Variants in AGAP1 observed in about 807,000 individuals in gnomAD.
AGAP1 encodes ArfGAP with GTPase domain, ankyrin repeat and PH domain 1.
In AGAP1, 29 loss-of-function variants were observed where a neutral mutation model predicts 105.3. The ratio of observed to expected loss-of-function variants is 0.28; its 90% CI spans 0.21 to 0.38. AGAP1 has a LOEUF of 0.38. Among genes scored for constraint, AGAP1 ranks in the 10% least tolerant of loss-of-function variants. AGAP1 has a pLI of 1.00. For missense variants in AGAP1, 998 were observed against 1,165.1 expected, an observed-to-expected ratio of 0.86 and a Z score of 2.09; for synonymous variants, 509 against 485.9, an observed-to-expected ratio of 1.05 and a Z score of -0.63.
rs551085858 is a variant in AGAP1, at chr2:235,749,500, C to T, written c.539-854C>T. Among the ~76,000 whole-genome samples the T allele has an allele frequency of 2.0e-3, 310 of 152,138 alleles. 2 individuals carry two copies. The South Asian group carries it at 0.031, about 15-fold the overall frequency. ...TGGGGGGATCCAGGTCACCTGTGAC[C>T]CTGAGGGGGTCCATCAAAACCTCAG... On this transcript the variant is annotated intron_variant, in intron 5 of 17. Coordinates refer to ENST00000304032, the MANE Select transcript of AGAP1 (RefSeq NM_001037131.3).
At chr2:235,838,764 C>T (rs937845695) in intron 9 of AGAP1, among the ~76,000 whole-genome samples, 1 of 152,198 alleles carries the variant, frequency 6.6e-6, no homozygotes, top group Non-Finnish European at 1.5e-5. Flanking sequence ...CCATGTGTTA[C>T]ATCCATCCCC....
chr2:235,576,504 G>A (rs992552692), intron 1 of AGAP1, among the ~76,000 whole-genome samples: 1 of 152,210 alleles, frequency 6.6e-6, no homozygotes, highest in Admixed American at 6.5e-5. Flanking sequence ...TGTGCTGGAA[G>A]CATTGCCTGA....
intron 2 of AGAP1, among the ~76,000 whole-genome samples, chr2:235,715,691 T>C (rs901964698): frequency 6.6e-6 from 1 of 152,190 alleles, no homozygotes; most frequent in African/African-American, 2.4e-5. Flanking sequence ...TAGGAACCTC[T>C]CTGGTGTTCT....
chr2:235,634,290 G>A (rs1946921957), intron 1 of AGAP1, among the ~76,000 whole-genome samples: 1 of 152,234 alleles, frequency 6.6e-6, no homozygotes, highest in African/African-American at 2.4e-5. Context: ...CTGTGTACCT[G>A]TGTATTTCAT....
chr2:235,620,399 T>A lies in AGAP1; in HGVS notation c.164-88780T>A, dbSNP rs1473541192. On this transcript the variant is annotated intron_variant, in intron 1 of 17. Coordinates refer to ENST00000304032, the MANE Select transcript of AGAP1 (RefSeq NM_001037131.3). This position sits in a 1 kb window ranked among gnomAD's most constrained non-coding sequence, Gnocchi z 4.5. ...GAGTGTGATGCCCTCTGCCAAAACCTCCTCCTGGCCCTCGCCTTCTGCCAC... is the reference window on the plus strand; with the variant it reads ...GAGTGTGATGCCCTCTGCCAAAACCACCTCCTGGCCCTCGCCTTCTGCCAC... Among the ~76,000 whole-genome samples the A allele has an allele frequency of 6.6e-6, 1 of 152,098 alleles. No individual in the cohort carries two copies. Among genetic ancestry groups the A allele is most frequent in the Non-Finnish European group, 1.5e-5 (1 of 68,012 alleles).
rs1474814195 is a variant in AGAP1, at chr2:235,639,358, C to T, written c.164-69821C>T. Among the ~76,000 whole-genome samples, 1 of 152,244 alleles carries T rather than the reference C, an allele frequency of 6.6e-6. No individual in the cohort carries two copies. Among genetic ancestry groups the T allele is most frequent in the East Asian group, 1.9e-4 (1 of 5,154 alleles). On this transcript the variant is annotated intron_variant, in intron 1 of 17. Coordinates refer to ENST00000304032, the MANE Select transcript of AGAP1 (RefSeq NM_001037131.3). This position sits in a 1 kb window ranked among gnomAD's most constrained non-coding sequence, Gnocchi z 5.3. ...CCCTGGAGGTGGGTGGGTGAGCTCA[C>T]CCAGGACCACGGTGTGGCCTGAGAA...
intron 1 of AGAP1, among the ~76,000 whole-genome samples, chr2:235,597,414 G>A (rs1945562121): frequency 6.6e-6 from 1 of 152,164 alleles, no homozygotes; most frequent in African/African-American, 2.4e-5. Context: ...ACACACCTTG[G>A]CCACCCAGCA....
At chr2:235,670,762 C>A in intron 1 of AGAP1, 1 of 1,087,688 alleles carries the variant, frequency 9.2e-7, no homozygotes, top group Non-Finnish European at 1.3e-6. Context: ...GCAAGAACGA[C>A]GCGCTCTCGG....
At chr2:235,935,789 C>T (rs972073906) in intron 12 of AGAP1, among the ~76,000 whole-genome samples, 3 of 152,164 alleles carry the variant, frequency 2.0e-5, no homozygotes, top group African/African-American at 7.2e-5. Context: ...AGGTAATTTC[C>T]TCTAGAAGCG....
intron 1 of AGAP1, among the ~76,000 whole-genome samples, chr2:235,532,457 C>T (rs191419664): frequency 8.3e-4 from 126 of 152,294 alleles, no homozygotes; most frequent in African/African-American, 2.9e-3. Context: ...CCTCCTGCCT[C>T]GGGCTCCCAG....
intron 9 of AGAP1, among the ~76,000 whole-genome samples, chr2:235,837,292 G>GT (rs201159113): frequency 0.022 from 3,268 of 151,606 alleles, 110 homozygotes; most frequent in African/African-American, 0.069. Context: ...GCCTTCAAGG[G>GT]TTTTTTTTTG....
rs1305144515 is a variant in AGAP1, at chr2:235,753,047, G to T, written c.673+2559G>T. Among the ~76,000 whole-genome samples, 1 of 152,114 alleles carries T rather than the reference G, an allele frequency of 6.6e-6. No homozygotes were observed. The highest frequency in any genetic ancestry group is 1.5e-5 in the Non-Finnish European group (1 of 68,036). ...ATAAAGGCACTTAACCCATCACAGG[G>T]TTCCACCCTTGTGATCAGTCACCTG... On this transcript the variant is annotated intron_variant, in intron 6 of 17. Transcript: ENST00000304032. The surrounding 1 kb of genome is among the most constrained non-coding windows in gnomAD (Gnocchi z 4.5).
In AGAP1 at chr2:235,875,865, T is replaced by G. The variant is rs577670603; in HGVS notation, c.1051-7480T>G. On this transcript the variant is annotated intron_variant, in intron 9 of 17. Transcript: ENST00000304032. The surrounding 1 kb of genome is among the most constrained non-coding windows in gnomAD (Gnocchi z 4.0). ...AATTGCACTAGGGACTTCTAAATTT[T>G]TATTCAATGGGTAAATGTCTTTTTA... Among the ~76,000 whole-genome samples, 11 of 152,362 alleles carry G rather than the reference T, an allele frequency of 7.2e-5. No homozygotes were observed. Among genetic ancestry groups the G allele is most frequent in the African/African-American group, 2.2e-4 (9 of 41,580 alleles).
rs1941277177 is a variant in AGAP1, at chr2:235,495,512, A to G, written c.163+663A>G. Among the ~76,000 whole-genome samples the G allele has an allele frequency of 1.3e-5, 2 of 152,176 alleles. 1 individual carries two copies. Among genetic ancestry groups the G allele is most frequent in the African/African-American group, 4.8e-5 (2 of 41,436 alleles). ...AGGAGGGCAGGGCGTCCTCCAGCGG[A>G]AGGGTCTCGCTTTCATATGTCTGCA... On this transcript the variant is annotated intron_variant, in intron 1 of 17. Transcript: ENST00000304032.
Position 236,123,879 on chromosome 2 carries a change from A to T in AGAP1, c.2371-40A>T, listed in dbSNP as rs11893568. ...CTTCCCTGCCCCCTCCCTCCATCAC[A>T]TCCCCCATGATACTAATGTGGGCTC... On this transcript the variant is annotated intron_variant, in intron 17 of 17. Coordinates refer to ENST00000304032, the MANE Select transcript of AGAP1 (RefSeq NM_001037131.3). This position sits in a 1 kb window ranked among gnomAD's most constrained non-coding sequence, Gnocchi z 4.6. The T allele has an allele frequency of 6.2e-7, 1 of 1,608,468 alleles. No homozygotes were observed. The highest frequency in any genetic ancestry group is 8.5e-7 in the Non-Finnish European group (1 of 1,177,694).
intron 9 of AGAP1, among the ~76,000 whole-genome samples, chr2:235,831,715 A>T (rs1023340623): frequency 6.6e-6 from 1 of 152,214 alleles, no homozygotes; most frequent in African/African-American, 2.4e-5. Context: ...CACCTATTGA[A>T]AGACATCTTG....
Position 236,014,201 on chromosome 2 carries a change from G to C in AGAP1, c.1646-22360G>C, listed in dbSNP as rs1172454225. Among the ~76,000 whole-genome samples the C allele has an allele frequency of 4.7e-4, 71 of 152,226 alleles. No individual in the cohort carries two copies. Among genetic ancestry groups the C allele is most frequent in the Admixed American group, 4.6e-3 (70 of 15,284 alleles). On this transcript the variant is annotated intron_variant, in intron 13 of 17. Transcript: ENST00000304032. This position sits in a 1 kb window ranked among gnomAD's most constrained non-coding sequence, Gnocchi z 6.3. ...CCATTTAGAGCCGTAACTCCCCCGA[G>C]TGTCAAAGAGAATAGACTCCTCCCT...
intron 9 of AGAP1, among the ~76,000 whole-genome samples, chr2:235,841,496 G>C (rs116542676): frequency 0.058 from 8,821 of 152,116 alleles, 822 homozygotes; most frequent in African/African-American, 0.2. Context: ...AGGCATGGTG[G>C]TGTGCACCTG....
chr2:235,933,990 C>T (rs2052861109), intron 12 of AGAP1, among the ~76,000 whole-genome samples: 1 of 152,172 alleles, frequency 6.6e-6, no homozygotes, highest in Non-Finnish European at 1.5e-5. Context: ...CAGGGGCTGC[C>T]TTTGGTACAG....
Sources: gnomAD v4.1 joint callset for allele counts (sites outside exome capture counted in the v4.1 genomes callset) on GRCh38, gnomAD v4.1.1 for gene constraint, Gnocchi (gnomAD v3.1) non-coding constraint, MANE v1.5 for transcripts, NCBI Gene and HGNC (gene_info 2026-07-23, HGNC 2026-07-21) for gene names.